The following LDLRAD4 variants were observed in gnomAD, a reference collection of about 807,000 sequenced individuals.
LDLRAD4 encodes low-density lipoprotein receptor class A domain-containing protein 4.
A neutral mutation model predicts 17.0 loss-of-function variants in LDLRAD4; 5 were observed. The observed-to-expected ratio is 0.29, with a 90% CI of 0.15 to 0.62. The LOEUF is 0.62. Among genes scored for constraint, LDLRAD4 ranks in the 20% least tolerant of loss-of-function variants. The pLI, the probability that LDLRAD4 is intolerant of heterozygous loss-of-function variation, is 0.84. For synonymous variants in LDLRAD4, 168 were observed against 171.8 expected (o/e 0.98, Z 0.17); for missense variants, 340 against 424.7 (o/e 0.80, Z 1.75).
rs1028384378 is a variant in LDLRAD4 at position 13,367,187 on chromosome 18, T to G, written c.-382-20154T>G. Among the ~76,000 whole-genome samples the G allele has an allele frequency of 6.6e-6, 1 of 152,130 alleles. No individual in the cohort carries two copies. The highest frequency in any genetic ancestry group is 1.5e-5 in the Non-Finnish European group (1 of 68,026). ...GTGGGAAGGAGGTTTTGCAATCCCCTCCAGCCCCACTCCGTTACAACCAGT... is the reference window on the plus strand; with the variant it reads ...GTGGGAAGGAGGTTTTGCAATCCCCGCCAGCCCCACTCCGTTACAACCAGT... On this transcript the variant is annotated intron_variant, in intron 1 of 5. Coordinates refer to ENST00000359446, the Ensembl canonical transcript of LDLRAD4. This position sits in a 1 kb window ranked among gnomAD's most constrained non-coding sequence, Gnocchi z 4.1.
At chr18:13,405,518 G>T (rs1405694519) in intron 2 of LDLRAD4, among the ~76,000 whole-genome samples, 1 of 151,988 alleles carries the variant, frequency 6.6e-6, no homozygotes, top group Non-Finnish European at 1.5e-5. Flanking sequence ...GACCTTCTGA[G>T]CTCAGGCCAT....
intron 1 of LDLRAD4, among the ~76,000 whole-genome samples, chr18:13,231,951 C>T (rs75268875): frequency 1.3e-5 from 2 of 152,338 alleles, no homozygotes; most frequent in South Asian, 4.1e-4. Flanking sequence ...AGGCTGTTTT[C>T]TGAAGGTCAT....
intron 3 of LDLRAD4, among the ~76,000 whole-genome samples, chr18:13,492,124 G>C (rs538056714): frequency 1.3e-5 from 2 of 152,224 alleles, no homozygotes; most frequent in African/African-American, 4.8e-5. Flanking sequence ...AAGACACCAA[G>C]ACAAGACCGA....
At chr18:13,559,910 CT>C (rs56194517) in intron 3 of LDLRAD4, among the ~76,000 whole-genome samples, 112,576 of 151,686 alleles carry the variant, frequency 0.74, 42,345 homozygotes, top group Middle Eastern at 0.85. Context: ...TTTGCTGCCC[CT>C]GACCAAGAAG....
intron 3 of LDLRAD4, among the ~76,000 whole-genome samples, chr18:13,604,771 C>T (rs1601658667): frequency 6.6e-6 from 1 of 152,298 alleles, no homozygotes; most frequent in Admixed American, 6.5e-5. Context: ...ACATGTTTCA[C>T]CTGATAATAT....
chr18:13,445,171 C>T (rs1417922657), intron 3 of LDLRAD4, among the ~76,000 whole-genome samples: 2 of 152,200 alleles, frequency 1.3e-5, no homozygotes, highest in East Asian at 3.9e-4. Flanking sequence ...AAGGACCAGT[C>T]CTGCCAAGCA....
intron 3 of LDLRAD4, among the ~76,000 whole-genome samples, chr18:13,504,671 G>A (rs902585654): frequency 6.6e-6 from 1 of 152,160 alleles, no homozygotes; most frequent in African/African-American, 2.4e-5. Flanking sequence ...CAGGTGATCT[G>A]CCTGCTTCGG....
chr18:13,335,652 A>C (rs1026104314), intron 1 of LDLRAD4, among the ~76,000 whole-genome samples: 3 of 152,198 alleles, frequency 2.0e-5, no homozygotes, highest in Admixed American at 6.5e-5. Flanking sequence ...TTGGGTCAGG[A>C]ATTCCGGAAT....
At chr18:13,490,857 T>C (rs1173654741) in intron 3 of LDLRAD4, among the ~76,000 whole-genome samples, 1 of 152,222 alleles carries the variant, frequency 6.6e-6, no homozygotes. Flanking sequence ...CCTTGGCTCA[T>C]TGGCATGGCA....
chr18:13,231,614 A>G (rs1435212634), intron 1 of LDLRAD4, among the ~76,000 whole-genome samples: 6 of 152,218 alleles, frequency 3.9e-5, no homozygotes, highest in African/African-American at 7.2e-5. Flanking sequence ...ATTTGTTTAC[A>G]TTTCACAAAA....
chr18:13,372,026 C>T (rs548888416), intron 1 of LDLRAD4, among the ~76,000 whole-genome samples: 5 of 152,244 alleles, frequency 3.3e-5, no homozygotes, highest in South Asian at 2.1e-4. Context: ...TTACATGGGA[C>T]GGTGAGTTAA....
intron 3 of LDLRAD4, chr18:13,491,530 G>T (rs1212868599): frequency 6.6e-6 from 1 of 152,180 alleles, no homozygotes; most frequent in Non-Finnish European, 1.5e-5. Flanking sequence ...ATAATTAATA[G>T]CTGGCGCCAG....
At chr18:13,573,034 A>G (rs908167418) in intron 3 of LDLRAD4, among the ~76,000 whole-genome samples, 9 of 152,190 alleles carry the variant, frequency 5.9e-5, no homozygotes, top group Non-Finnish European at 8.8e-5. Context: ...GGAAAGCTGC[A>G]GTGTTCATTT....
chr18:13,305,867 A>T (rs1032698254), intron 1 of LDLRAD4, among the ~76,000 whole-genome samples: 1 of 152,264 alleles, frequency 6.6e-6, no homozygotes, highest in Non-Finnish European at 1.5e-5. Flanking sequence ...TGGTAGAAGG[A>T]TGGCTATTAG....
chr18:13,576,273 T>A (rs1021717174), intron 3 of LDLRAD4, among the ~76,000 whole-genome samples: 3 of 151,850 alleles, frequency 2.0e-5, no homozygotes, highest in Non-Finnish European at 4.4e-5. Flanking sequence ...ATACAAAAAA[T>A]TAGCTGGGCA....
chr18:13,608,372 G>A (rs540426017), intron 3 of LDLRAD4, among the ~76,000 whole-genome samples: 59 of 152,212 alleles, frequency 3.9e-4, no homozygotes, highest in African/African-American at 1.3e-3. Flanking sequence ...GGGGCATACC[G>A]AGAAGCCCTG....
chr18:13,468,611 C>T (rs192008109), intron 3 of LDLRAD4, among the ~76,000 whole-genome samples: 1 of 152,124 alleles, frequency 6.6e-6, no homozygotes, highest in East Asian at 1.9e-4. Context: ...AAATGTCCAA[C>T]AACGATAGAC....
chr18:13,652,029 A>C (rs1193068041), exon 6 of LDLRAD4: 1 of 152,154 alleles, frequency 6.6e-6, no homozygotes, highest in Non-Finnish European at 1.5e-5. Flanking sequence ...GCGTGTCTAG[A>C]CCCACGTGTT....
At chr18:13,580,659 C>T (rs1051903938) in intron 3 of LDLRAD4, among the ~76,000 whole-genome samples, 50 of 152,274 alleles carry the variant, frequency 3.3e-4, no homozygotes, top group Admixed American at 3.3e-3. Flanking sequence ...CCAGACTTCT[C>T]GGGGGACTGG....
Sources: allele counts gnomAD v4.1 joint callset (sites outside exome capture counted in the v4.1 genomes callset), GRCh38; gene constraint gnomAD v4.1.1; non-coding constraint Gnocchi (gnomAD v3.1); transcripts MANE v1.5; gene names NCBI Gene and HGNC (gene_info 2026-07-23, HGNC 2026-07-21).